The following IKZF1 variants were observed in gnomAD, a reference collection of about 807,000 sequenced individuals.
The protein encoded by IKZF1 is DNA-binding protein Ikaros.
In IKZF1, 10 loss-of-function variants were observed where a neutral mutation model predicts 51.7. The observed-to-expected ratio is 0.19, with a 90% confidence interval of 0.12 to 0.33. The LOEUF is 0.33. IKZF1 is among the 10% of genes least tolerant of loss of function. The probability of loss-of-function intolerance (pLI) is 1.00; values close to 1 mark genes in which losing one functional copy is unlikely to be tolerated. For missense variants in IKZF1, 484 were observed against 707.5 expected, an observed-to-expected ratio of 0.68 and a Z score of 3.58; for synonymous variants, 280 against 282.3, an observed-to-expected ratio of 0.99 and a Z score of 0.08.
At chr7:50,385,162 G>A (rs1248690849) in intron 5 of IKZF1, among the ~76,000 whole-genome samples, 4 of 152,216 alleles carry the variant, frequency 2.6e-5, no homozygotes, top group Non-Finnish European at 5.9e-5. Flanking sequence ...ACCCATCATG[G>A]ATGCAGGGCT....
rs751092583 is a variant in IKZF1, at chr7:50,327,719, C to T, written c.122C>T (p.Ser41Leu). 6 of 1,613,434 alleles carry T rather than the reference C, an allele frequency of 3.7e-6. No individual in the cohort carries two copies. The highest frequency in any genetic ancestry group is 1.3e-5 in the African/African-American group (1 of 74,920). ...ATCCCCGAGGACCTCTCCACCACCTCGGGAGGACAGCAAAGCTCCAAGAGT... is the reference window on the plus strand; with the variant it reads ...ATCCCCGAGGACCTCTCCACCACCTTGGGAGGACAGCAAAGCTCCAAGAGT... ...MPIPEDLSTT[S>L]GGQQSSKSDR... is the part of the protein sequence containing the mutation. The change falls in exon 3 of 8, where the codon TCG (serine) becomes TTG (leucine). Residue 41 changes from serine (S) to leucine (L), a missense_variant. Transcript: ENST00000331340.
intron 3 of IKZF1, among the ~76,000 whole-genome samples, chr7:50,373,903 C>G (rs1388071679): frequency 6.6e-6 from 1 of 152,140 alleles, no homozygotes; most frequent in African/African-American, 2.4e-5. Context: ...GTATCTTGTC[C>G]CTGGCAGTGG....
chr7:50,329,013 C>A (rs1317698800), intron 3 of IKZF1: 1 of 144,496 alleles, frequency 6.9e-6, no homozygotes, highest in Non-Finnish European at 1.5e-5. Flanking sequence ...GCGGAGCTTG[C>A]AGTGAGCCGA....
chr7:50,320,047 T>C (rs1212952856), intron 2 of IKZF1, among the ~76,000 whole-genome samples: 2 of 152,120 alleles, frequency 1.3e-5, no homozygotes, highest in Non-Finnish European at 2.9e-5. Flanking sequence ...CAGGCTTCCT[T>C]CTCCACCACT....
At chr7:50,362,209 T>C (rs1187270778) in intron 3 of IKZF1, among the ~76,000 whole-genome samples, 1 of 152,206 alleles carries the variant, frequency 6.6e-6, no homozygotes, top group African/African-American at 2.4e-5. Flanking sequence ...ACTTTGGCCA[T>C]CACTGACATG....
At chr7:50,357,769 A>G (rs1803910647) in intron 3 of IKZF1, among the ~76,000 whole-genome samples, 1 of 152,184 alleles carries the variant, frequency 6.6e-6, no homozygotes, top group Non-Finnish European at 1.5e-5. Flanking sequence ...TAGGACGCGA[A>G]GACTTGGAGA....
At chr7:50,380,087 G>A (rs1024659837) in intron 4 of IKZF1, among the ~76,000 whole-genome samples, 4 of 152,258 alleles carry the variant, frequency 2.6e-5, no homozygotes, top group African/African-American at 9.6e-5. Flanking sequence ...AACACACATG[G>A]CGTGGGCTGC....
At chr7:50,329,239 A>C (rs1207868743) in intron 3 of IKZF1, among the ~76,000 whole-genome samples, 1 of 152,044 alleles carries the variant, frequency 6.6e-6, no homozygotes, top group South Asian at 2.1e-4. Context: ...TTTGGTGTAG[A>C]TGAATCCAGA....
intron 4 of IKZF1, among the ~76,000 whole-genome samples, chr7:50,381,454 T>G (rs1811825242): frequency 6.6e-6 from 1 of 152,228 alleles, no homozygotes; most frequent in South Asian, 2.1e-4. Context: ...CTCTTCGAAG[T>G]GAGAGTTAAA....
rs537221800 is a variant in IKZF1 at position 50,322,301 on chromosome 7, C to T, written c.40+3200C>T. Among the ~76,000 whole-genome samples, 60 of 152,252 alleles carry T rather than the reference C, an allele frequency of 3.9e-4. No homozygotes were observed. In the Middle Eastern group the frequency reaches 0.014, roughly 35 times the overall value. On this transcript the variant is annotated intron_variant, in intron 2 of 7. Transcript: ENST00000331340. ...TAACAAGAATATGTTCCTAAATCAT[C>T]CTCTTTTCCCATAAAATATTAAAGT...
chr7:50,380,280 T>C (rs971859536), intron 4 of IKZF1, among the ~76,000 whole-genome samples: 1 of 152,206 alleles, frequency 6.6e-6, no homozygotes, highest in African/African-American at 2.4e-5. Context: ...CAGTGAAATT[T>C]GTTTGCAGGC....
At chr7:50,380,062 C>A (rs190703150) in intron 4 of IKZF1, among the ~76,000 whole-genome samples, 22 of 152,314 alleles carry the variant, frequency 1.4e-4, no homozygotes, top group Admixed American at 1.2e-3. Flanking sequence ...AAATGATGGA[C>A]CCCGGCCACG....
intron 4 of IKZF1, among the ~76,000 whole-genome samples, chr7:50,381,267 A>G (rs1296065776): frequency 1.3e-5 from 2 of 152,234 alleles, no homozygotes; most frequent in African/African-American, 4.8e-5. Context: ...CAATCGGGAA[A>G]TGGTTAAATA....
At chr7:50,363,484 TA>T (rs1221376196) in intron 3 of IKZF1, among the ~76,000 whole-genome samples, 2 of 152,010 alleles carry the variant, frequency 1.3e-5, no homozygotes, top group Non-Finnish European at 2.9e-5. Flanking sequence ...ACTGAGGAGT[TA>T]CCCAGTGCCC....
Position 50,349,431 on chromosome 7 carries a change from C to T in IKZF1, c.160+21674C>T, listed in dbSNP as rs891353161. 3.3e-5 allele frequency among the ~76,000 whole-genome samples: 5 copies of T among 152,158 alleles called. No homozygotes were observed. The East Asian group carries it at 5.8e-4, about 18-fold the overall frequency. Reference sequence around the variant, plus strand: ...CGCATGGAATTTTTAGAAGATAGGACGTGTATTATGTACCTATAAGAATGG... The same window carrying T: ...CGCATGGAATTTTTAGAAGATAGGATGTGTATTATGTACCTATAAGAATGG... On this transcript the variant is annotated intron_variant, in intron 3 of 7. Transcript: ENST00000331340.
chr7:50,394,616 T>C (rs1816160803), intron 7 of IKZF1, among the ~76,000 whole-genome samples: 1 of 152,164 alleles, frequency 6.6e-6, no homozygotes, highest in African/African-American at 2.4e-5. Context: ...ATTCTGAGGC[T>C]CAGAAGGGGT....
intron 3 of IKZF1, among the ~76,000 whole-genome samples, chr7:50,347,027 C>T (rs578222939): frequency 2.0e-5 from 3 of 152,314 alleles, no homozygotes; most frequent in Non-Finnish European, 2.9e-5. Context: ...TTATCTCCTG[C>T]ATCTTGTATT....
Position 50,366,235 on chromosome 7 carries a change from A to G in IKZF1, c.161-10298A>G, listed in dbSNP as rs917123710. On this transcript the variant is annotated intron_variant, in intron 3 of 7. Transcript: ENST00000331340. The stretch of plus-strand genomic sequence containing the variant: ...GTTTACCTATATAACAAACCCGCAC[A>G]TGTACTCCTGAACTTAAAAGTTAAA... Among the ~76,000 whole-genome samples the G allele has an allele frequency of 5.9e-5, 9 of 152,274 alleles. No individual in the cohort carries two copies. In the South Asian group the frequency reaches 1.9e-3, roughly 32 times the overall value.
chr7:50,341,827 G>A lies in IKZF1; in HGVS notation c.160+14070G>A, dbSNP rs893750981. On this transcript the variant is annotated intron_variant, in intron 3 of 7. Coordinates refer to ENST00000331340, the MANE Select transcript of IKZF1 (RefSeq NM_006060.6). ...TTTTGAACTATGTGTTTGAAACCCC[G>A]GATGTATTTTTTTTTTATCTTCACC... Among the ~76,000 whole-genome samples, 208 of 151,932 alleles carry A rather than the reference G, an allele frequency of 1.4e-3. 2 individuals are homozygous for A. Among genetic ancestry groups the A allele is most frequent in the Middle Eastern group, 0.014 (4 of 294 alleles).
Sources: gnomAD v4.1 joint callset for allele counts (sites outside exome capture counted in the v4.1 genomes callset) on GRCh38, gnomAD v4.1.1 for gene constraint, MANE v1.5 for transcripts, NCBI Gene and HGNC (gene_info 2026-07-23, HGNC 2026-07-21) for gene names.